Variants in ALDH1A3 observed in about 807,000 individuals in gnomAD.
The protein encoded by ALDH1A3 is retinaldehyde dehydrogenase 3.
ALDH1A3 carries 28 observed loss-of-function variants against 57.5 expected under a neutral mutation model. The observed-to-expected ratio is 0.49, with a 90% CI of 0.36 to 0.67. The LOEUF is 0.67. Ranked by LOEUF, ALDH1A3 falls within the 30% of genes least tolerant of loss-of-function variation. The pLI is 0.00. For missense variants in ALDH1A3, 507 were observed against 669.4 expected (o/e 0.76, Z 2.68); for synonymous variants, 281 against 264.8 (o/e 1.06, Z -0.59).
At position 100,898,167 on chromosome 15, in the gene ALDH1A3, G is replaced by A. The variant is rs746016250; in HGVS notation, c.865G>A (p.Val289Met). Residue 289 changes from valine to methionine, a missense_variant, in exon 8 of 13, where the codon GTG (valine) becomes ATG (methionine). Val to Met is a conservative substitution (Grantham distance 21, BLOSUM62 1). Coordinates refer to ENST00000329841, the MANE Select transcript of ALDH1A3 (RefSeq NM_000693.4). ...LELGGKNPCIVCADADLDLAV... is the reference protein window; with the variant it reads ...LELGGKNPCIMCADADLDLAV... The stretch of plus-strand genomic sequence containing the variant: ...GCTGGGGGGGAAGAACCCCTGCATC[G>A]TGTGTGCGGACGCTGACTGTGAGTC... 1.2e-5 allele frequency: 19 copies of A among 1,613,968 alleles called. No individual in the cohort carries two copies. The highest frequency in any genetic ancestry group is 3.3e-5 in the Admixed American group (2 of 60,002).
Position 100,893,938 on chromosome 15 carries a change from C to T in ALDH1A3, c.538-16C>T, listed in dbSNP as rs769294400. ...GGGTGGATCTGGGCCTCCAAAGCCC[C>T]TGTGCTCTGTCGCAGTGGAACTTCC... is the stretch of plus-strand genomic sequence containing the variant. On this transcript the variant is annotated splice_polypyrimidine_tract_variant and intron_variant, in intron 5 of 12. Coordinates refer to ENST00000329841, the MANE Select transcript of ALDH1A3 (RefSeq NM_000693.4). This position sits in a 1 kb window ranked among gnomAD's most constrained non-coding sequence, Gnocchi z 4.8. 16 of 1,613,576 alleles carry T rather than the reference C, an allele frequency of 9.9e-6. No homozygotes were observed. The highest frequency in any genetic ancestry group is 1.1e-5 in the Non-Finnish European group (13 of 1,179,716).
chr15:100,888,562 A>G (rs1161354629), intron 3 of ALDH1A3: 1 of 152,208 alleles, frequency 6.6e-6, no homozygotes, highest in East Asian at 1.9e-4. Flanking sequence ...ACCTAAAATC[A>G]TTCCTCAGTC....
intron 12 of ALDH1A3, among the ~76,000 whole-genome samples, chr15:100,911,049 C>T (rs993504883): frequency 5.3e-5 from 8 of 152,364 alleles, no homozygotes; most frequent in East Asian, 3.9e-4. Context: ...TAGCCTCCAT[C>T]GGGACTTTTT....
At position 100,892,617 on chromosome 15, in the gene ALDH1A3, C is replaced by T; in HGVS notation, c.453C>T (p.Ile151=). 1.2e-6 allele frequency: 2 copies of T among 1,613,062 alleles called. No homozygotes were observed. Among genetic ancestry groups the T allele is most frequent in the Non-Finnish European group, 1.7e-6 (2 of 1,179,704 alleles). ...LRYFAGWADK[I]QGKTIPTDDN... is the part of the protein sequence containing the mutation. ...ACTTTGCAGGGTGGGCAGACAAAAT[C>T]CAGGGCAAGACCATCCCCACAGGTG... The change falls in exon 4 of 13, where the codon ATC becomes ATT. Residue 151 remains isoleucine (I), a synonymous_variant. Coordinates refer to ENST00000329841, the MANE Select transcript of ALDH1A3 (RefSeq NM_000693.4).
rs2041603449 is a variant in ALDH1A3 at position 100,887,193 on chromosome 15, C to T, written c.205-379C>T. 6.6e-6 allele frequency among the ~76,000 whole-genome samples: 1 copy of T among 152,234 alleles called. No individual in the cohort carries two copies. The highest frequency in any genetic ancestry group is 1.5e-5 in the Non-Finnish European group (1 of 68,046). On this transcript the variant is annotated intron_variant, in intron 2 of 12. Transcript: ENST00000329841. This position sits in a 1 kb window ranked among gnomAD's most constrained non-coding sequence, Gnocchi z 4.6. ...TTGAAAAACATGCTGCTGCTTGCAG[C>T]CTGTCTGCCAGCGGGACAATCTGCT... is the stretch of plus-strand genomic sequence containing the variant.
intron 6 of ALDH1A3, 66 bp from the exon 7 acceptor site, chr15:100,895,867 C>G (rs1029838878): frequency 4.6e-5 from 65 of 1,397,862 alleles, no homozygotes; most frequent in Non-Finnish European, 4.9e-5. Context: ...GCTCTCTCGG[C>G]CCAAATGTGG....
intron 1 of ALDH1A3, among the ~76,000 whole-genome samples, chr15:100,884,117 A>G (rs2041571748): frequency 6.6e-6 from 1 of 152,160 alleles, no homozygotes; most frequent in African/African-American, 2.4e-5. Flanking sequence ...TGATGCTGTG[A>G]TAGGCTGTGA....
chr15:100,893,168 G>A lies in ALDH1A3; in HGVS notation c.537+162G>A, dbSNP rs1187334735. The A allele has an allele frequency of 1.2e-5, 7 of 592,216 alleles. No homozygotes were observed. The highest frequency in any genetic ancestry group is 2.0e-5 in the Non-Finnish European group (7 of 349,544). 36.7% of individuals were successfully genotyped at this position (592,216 alleles called of 1,614,324 possible). A position where few individuals can be genotyped will look rare whatever the true frequency, so the allele number is the denominator to read the frequency against. ...TCCATGCTTGGGGGCTCTTGAGATG[G>A]ATTAGACCCCATTTCTGCTCTCCTA... On this transcript the variant is annotated intron_variant, in intron 5 of 12. Transcript: ENST00000329841. The surrounding 1 kb of genome is among the most constrained non-coding windows in gnomAD (Gnocchi z 4.8).
At chr15:100,882,704 A>G (rs756921250) in intron 1 of ALDH1A3, among the ~76,000 whole-genome samples, 4 of 152,224 alleles carry the variant, frequency 2.6e-5, no homozygotes, top group Non-Finnish European at 5.9e-5. Context: ...GCTTAATGCT[A>G]TACCTCTATA....
rs2041631423 is a variant in ALDH1A3 at position 100,889,802 on chromosome 15, C to T, written c.345+2090C>T. Among the ~76,000 whole-genome samples the T allele has an allele frequency of 6.6e-6, 1 of 152,238 alleles. No individual in the cohort carries two copies. Among genetic ancestry groups the T allele is most frequent in the South Asian group, 2.1e-4 (1 of 4,830 alleles). On this transcript the variant is annotated intron_variant, in intron 3 of 12. Coordinates refer to ENST00000329841, the MANE Select transcript of ALDH1A3 (RefSeq NM_000693.4). This position sits in a 1 kb window ranked among gnomAD's most constrained non-coding sequence, Gnocchi z 5.1. ...CAGCAAATCACTTCTGCCACTGGCACCTCGCAGCCCACGAGAAATAAGATC... is the reference window on the plus strand; with the variant it reads ...CAGCAAATCACTTCTGCCACTGGCATCTCGCAGCCCACGAGAAATAAGATC...
rs2041538298 is a variant in ALDH1A3, at chr15:100,880,599, T to G, written c.99+593T>G. 3 of 175,216 alleles carry G rather than the reference T, an allele frequency of 1.7e-5. No homozygotes were observed. In the East Asian group the frequency reaches 4.4e-4, roughly 26 times the overall value. 10.9% of individuals were successfully genotyped at this position (175,216 alleles called of 1,614,324 possible). On this transcript the variant is annotated intron_variant, in intron 1 of 12. Coordinates refer to ENST00000329841, the MANE Select transcript of ALDH1A3 (RefSeq NM_000693.4). ...GAGGAGTAGGAAGGTGCTCGCTTAC[T>G]GACGAAACCTCCCCGGAGCCCAGAG... is the stretch of plus-strand genomic sequence containing the variant.
intron 9 of ALDH1A3, among the ~76,000 whole-genome samples, chr15:100,902,500 A>T (rs2041779894): frequency 6.6e-6 from 1 of 152,338 alleles, no homozygotes; most frequent in African/African-American, 2.4e-5. Flanking sequence ...ATCCGGGTCC[A>T]CGGCCGGGCT....
intron 12 of ALDH1A3, chr15:100,913,730 G>A (rs751506500): frequency 3.9e-4 from 59 of 152,266 alleles, no homozygotes; most frequent in Non-Finnish European, 7.6e-4. Flanking sequence ...GGCTGGGGGA[G>A]GCCTGAGAAT....
chr15:100,882,723 T>G (rs2041557670), intron 1 of ALDH1A3, among the ~76,000 whole-genome samples: 1 of 152,244 alleles, frequency 6.6e-6, no homozygotes, highest in Non-Finnish European at 1.5e-5. Context: ...TAAGGTTTGT[T>G]GTATGCTAAT....
intron 1 of ALDH1A3, chr15:100,881,450 A>G (rs1255800269): frequency 1.3e-5 from 2 of 152,212 alleles, no homozygotes; most frequent in African/African-American, 2.4e-5. Context: ...TTTTGGTTGT[A>G]CAGGATTTCA....
At chr15:100,903,173 G>A (rs1448762532) in intron 9 of ALDH1A3, among the ~76,000 whole-genome samples, 1 of 111,046 alleles carries the variant, frequency 9.0e-6, no homozygotes, top group Non-Finnish European at 1.7e-5. Flanking sequence ...TTGTACACCT[G>A]GTTCTTACCC....
intron 1 of ALDH1A3, among the ~76,000 whole-genome samples, chr15:100,883,500 A>G (rs2041565050): frequency 6.6e-6 from 1 of 152,140 alleles, no homozygotes; most frequent in African/African-American, 2.4e-5. Context: ...GGCAAATCCC[A>G]ATGGTGACCG....
intron 11 of ALDH1A3, 120 bp from the exon 12 acceptor site, chr15:100,908,288 A>G: frequency 1.3e-6 from 1 of 779,318 alleles, no homozygotes; most frequent in Non-Finnish European, 2.1e-6. Context: ...TTCATCAAGG[A>G]AGCTTTGGCA....
chr15:100,887,577 CGTGGACAAGGCT>C lies in ALDH1A3; in HGVS notation c.216_227del (p.Asp72_Val75del). The C allele has an allele frequency of 3.1e-6, 5 of 1,595,214 alleles. No individual in the cohort carries two copies. Among genetic ancestry groups the C allele is most frequent in the Non-Finnish European group, 4.3e-6 (5 of 1,169,240 alleles). ...CTGTTGTTCTGGTCGCTCAGCCCGA[CGTGGACAAGGCT>C]GTGGAGGCTGCACAGGTTGCCTTCC... On this transcript the variant is annotated inframe_deletion, in exon 3 of 13. Transcript: ENST00000329841. The surrounding 1 kb of genome is among the most constrained non-coding windows in gnomAD (Gnocchi z 4.6).
Sources: allele counts gnomAD v4.1 joint callset (sites outside exome capture counted in the v4.1 genomes callset), GRCh38; gene constraint gnomAD v4.1.1; non-coding constraint Gnocchi (gnomAD v3.1); transcripts MANE v1.5; gene names NCBI Gene and HGNC (gene_info 2026-07-23, HGNC 2026-07-21).